CTIF: variants seen among roughly 807,000 people sequenced by gnomAD.
CTIF encodes the protein CBP80/20-dependent translation initiation factor.
CTIF carries 21 observed loss-of-function variants against 66.0 expected under a neutral mutation model. The ratio of observed to expected loss-of-function variants is 0.32; its 90% CI spans 0.23 to 0.46. The LOEUF is 0.46. CTIF is among the 20% of genes least tolerant of loss of function. The pLI, the probability that CTIF is intolerant of heterozygous loss-of-function variation, is 1.00. For missense variants in CTIF, 739 were observed against 812.7 expected, an observed-to-expected ratio of 0.91 and a Z score of 1.10; for synonymous variants, 345 against 326.4, an observed-to-expected ratio of 1.06 and a Z score of -0.62.
intron 2 of CTIF, among the ~76,000 whole-genome samples, chr18:48,624,262 G>A (rs990257019): frequency 1.1e-4 from 16 of 151,964 alleles, no homozygotes; most frequent in African/African-American, 3.9e-4. Flanking sequence ...CTTGGGAGGA[G>A]GAGGGATTTT....
chr18:48,602,185 C>T (rs1379198469), intron 1 of CTIF, among the ~76,000 whole-genome samples: 4 of 152,112 alleles, frequency 2.6e-5, no homozygotes, highest in African/African-American at 7.2e-5. Context: ...GTATGAATGT[C>T]GTTAAAGGTG....
chr18:48,634,213 C>A (rs1484795365), intron 2 of CTIF, among the ~76,000 whole-genome samples: 1 of 152,102 alleles, frequency 6.6e-6, no homozygotes, highest in Non-Finnish European at 1.5e-5. Flanking sequence ...AAGAATACCC[C>A]AGAAGTGATG....
chr18:48,830,747 C>T (rs1257869912), intron 10 of CTIF, among the ~76,000 whole-genome samples: 18 of 140,916 alleles, frequency 1.3e-4, no homozygotes, highest in African/African-American at 3.9e-4. Flanking sequence ...CCCCCGACCA[C>T]GCCCCAGCCT....
chr18:48,615,038 A>C (rs967851143), intron 1 of CTIF, among the ~76,000 whole-genome samples: 4 of 152,168 alleles, frequency 2.6e-5, no homozygotes, highest in African/African-American at 9.6e-5. Flanking sequence ...GTAGCTGAGC[A>C]TGTGCGACCA....
chr18:48,581,254 T>G (rs1437591932), intron 1 of CTIF, among the ~76,000 whole-genome samples: 1 of 152,168 alleles, frequency 6.6e-6, no homozygotes, highest in Non-Finnish European at 1.5e-5. Context: ...GTTGTTAGAT[T>G]CCTGAGACGT....
chr18:48,603,499 G>GGATGGATGGA lies in CTIF; in HGVS notation c.-28-16039_-28-16038insGATGGATGGA, dbSNP rs1568065426. ...GATGGGTGGGTGGGTGGGTGGGTGG[G>GGATGGATGGA]TGGATGGATGGATGGATGGATGGAT... is the stretch of plus-strand genomic sequence containing the variant. On this transcript the variant is annotated intron_variant, in intron 1 of 11. Coordinates refer to ENST00000256413, the MANE Select transcript of CTIF (RefSeq NM_014772.3). 2.4e-3 allele frequency among the ~76,000 whole-genome samples: 273 copies of GGATGGATGGA among 113,038 alleles called. 9 individuals carry two copies. The highest frequency in any genetic ancestry group is 9.3e-3 in the African/African-American group (260 of 27,834). The allele number at this position is 113,038 out of a possible 152,430, so 74.2% of individuals were successfully genotyped here. A position where few individuals can be genotyped will look rare whatever the true frequency, so the allele number is the denominator to read the frequency against.
chr18:48,600,472 C>G (rs1373668110), intron 1 of CTIF, among the ~76,000 whole-genome samples: 3 of 152,146 alleles, frequency 2.0e-5, no homozygotes. Flanking sequence ...ACTTCATACT[C>G]TGTCTTCTCC....
At chr18:48,606,489 G>A (rs959789420) in intron 1 of CTIF, among the ~76,000 whole-genome samples, 1 of 152,228 alleles carries the variant, frequency 6.6e-6, no homozygotes, top group Non-Finnish European at 1.5e-5. Flanking sequence ...GAAGGACAAT[G>A]CTGAGCTGTG....
At chr18:48,758,748 G>A (rs1392611175) in intron 8 of CTIF, among the ~76,000 whole-genome samples, 2 of 152,190 alleles carry the variant, frequency 1.3e-5, no homozygotes, top group Admixed American at 1.3e-4. Flanking sequence ...ATATTCTAGG[G>A]TTAGATATTG....
At chr18:48,609,465 C>T (rs533123171) in intron 1 of CTIF, among the ~76,000 whole-genome samples, 21 of 152,266 alleles carry the variant, frequency 1.4e-4, no homozygotes, top group South Asian at 6.2e-4. Context: ...GTATGCCTAG[C>T]GGTGTTGAGC....
intron 9 of CTIF, among the ~76,000 whole-genome samples, chr18:48,766,267 T>A (rs1599003772): frequency 6.6e-6 from 1 of 152,090 alleles, no homozygotes; most frequent in African/African-American, 2.4e-5. Context: ...GATTCTGCGT[T>A]TCAAACATGC....
chr18:48,639,040 G>A (rs2090878011), intron 3 of CTIF, among the ~76,000 whole-genome samples: 1 of 152,238 alleles, frequency 6.6e-6, no homozygotes, highest in Non-Finnish European at 1.5e-5. Context: ...GTGGAAGAGG[G>A]GCTGGGCCAC....
rs1251818461 is a variant in CTIF, at chr18:48,863,059, G to GACCT, written c.*3505_*3508dup. 3 of 152,380 alleles carry GACCT rather than the reference G, an allele frequency of 2.0e-5. No homozygotes were observed. The East Asian group carries it at 5.8e-4, about 29-fold the overall frequency. 9.4% of individuals were successfully genotyped at this position (152,380 alleles called of 1,614,324 possible). A position where few individuals can be genotyped will look rare whatever the true frequency, so the allele number is the denominator to read the frequency against. On this transcript the variant is annotated 3_prime_UTR_variant, in exon 12 of 12. Coordinates refer to ENST00000256413, the MANE Select transcript of CTIF (RefSeq NM_014772.3). ...TGAGCCGGCTGGGAGTGGACGACAG[G>GACCT]ACCTACCTCCCCAGAGCAAGGGCCT...
rs181572577 is a variant in CTIF, at chr18:48,701,344, C to A, written c.508-10275C>A. 2.0e-5 allele frequency among the ~76,000 whole-genome samples: 3 copies of A among 152,166 alleles called. No individual in the cohort carries two copies. The South Asian group carries it at 6.2e-4, about 32-fold the overall frequency. ...GATATCCATTATCCAGGGAATGGAG[C>A]ATGTCAGTCCACTCCAGTTCCATTC... On this transcript the variant is annotated intron_variant, in intron 6 of 11. Coordinates refer to ENST00000256413, the MANE Select transcript of CTIF (RefSeq NM_014772.3).
In CTIF at chr18:48,859,876, C is replaced by A; in HGVS notation, c.*317C>A. On this transcript the variant is annotated 3_prime_UTR_variant, in exon 12 of 12. Transcript: ENST00000256413. ...CCCATCAGACCCATCCCCCACGGAG[C>A]TTTGTGTGAGGGATCTCATCGCTGT... The A allele has an allele frequency of 1.8e-6, 1 of 557,622 alleles. No homozygotes were observed. The highest frequency in any genetic ancestry group is 3.4e-6 in the Non-Finnish European group (1 of 292,176). The allele number at this position is 557,622 out of a possible 1,614,324, so 34.5% of individuals were successfully genotyped here.
chr18:48,555,495 T>C (rs768402651), intron 1 of CTIF, among the ~76,000 whole-genome samples: 8 of 152,100 alleles, frequency 5.3e-5, no homozygotes, highest in Non-Finnish European at 8.8e-5. Flanking sequence ...TGATGGGGAT[T>C]GGGGTGGATG....
At chr18:48,566,867 T>A (rs2089291869) in intron 1 of CTIF, 1 of 152,172 alleles carries the variant, frequency 6.6e-6, no homozygotes, top group Non-Finnish European at 1.5e-5. Flanking sequence ...TGACAGCACT[T>A]CCTGGGCACT....
At chr18:48,573,882 C>G (rs2089474161) in intron 1 of CTIF, among the ~76,000 whole-genome samples, 1 of 152,230 alleles carries the variant, frequency 6.6e-6, no homozygotes, top group African/African-American at 2.4e-5. Flanking sequence ...ATGCCTCTGG[C>G]CGCCTCTGTA....
chr18:48,681,019 C>T (rs1322152901), intron 6 of CTIF, among the ~76,000 whole-genome samples: 2 of 152,214 alleles, frequency 1.3e-5, no homozygotes, highest in Admixed American at 6.5e-5. Flanking sequence ...GCCTCGGCTC[C>T]CAGGCTGACC....
Sources: allele counts gnomAD v4.1 joint callset (sites outside exome capture counted in the v4.1 genomes callset), GRCh38; gene constraint gnomAD v4.1.1; transcripts MANE v1.5; gene names NCBI Gene and HGNC (gene_info 2026-07-23, HGNC 2026-07-21).